IRS1: variants seen among roughly 807,000 people sequenced by gnomAD.
IRS1 encodes insulin receptor substrate 1.
In IRS1, 34 loss-of-function variants were observed where a neutral mutation model predicts 65.6. The ratio of observed to expected loss-of-function variants is 0.52; its 90% CI spans 0.39 to 0.69. The LOEUF is 0.69. Among genes scored for constraint, IRS1 ranks in the 30% least tolerant of loss-of-function variants. IRS1 has a pLI of 0.00. For synonymous variants in IRS1, 699 were observed against 683.5 expected (o/e 1.02, Z -0.35); for missense variants, 1,641 against 1,720.2 (o/e 0.95, Z 0.81).
Position 226,795,404 on chromosome 2 carries a change from C to T in IRS1, c.3335G>A (p.Arg1112Gln), listed in dbSNP as rs544798746. The T allele has an allele frequency of 1.2e-5, 20 of 1,613,438 alleles. No individual in the cohort carries two copies. The highest frequency in any genetic ancestry group is 5.0e-5 in the Admixed American group (3 of 60,032). The change falls in exon 1 of 2, where the codon CGG (arginine) becomes CAG (glutamine). Residue 1112 changes from arginine to glutamine, a missense_variant. Transcript: ENST00000305123. ...TCCAAAGGGCACTGTGTTGCCCACC[C>T]GGGTGGCACTGGGTGTTGAGGAGAA... Reference protein sequence around the residue: ...ETFSSTPSATRVGNTVPFGAG... With the variant: ...ETFSSTPSATQVGNTVPFGAG...
At chr2:226,767,212 A>T (rs926524954) in intron 1 of IRS1, among the ~76,000 whole-genome samples, 9 of 152,216 alleles carry the variant, frequency 5.9e-5, no homozygotes, top group Non-Finnish European at 1.2e-4. Context: ...AAACATACAG[A>T]CTTCTACACA....
intron 1 of IRS1, among the ~76,000 whole-genome samples, chr2:226,782,250 G>A (rs573492647): frequency 6.6e-6 from 1 of 152,208 alleles, no homozygotes; most frequent in South Asian, 2.1e-4. Context: ...TTTATACAGT[G>A]TCTTGTTTTG....
chr2:226,779,292 A>G (rs1026712740), intron 1 of IRS1, among the ~76,000 whole-genome samples: 1 of 152,262 alleles, frequency 6.6e-6, no homozygotes, highest in African/African-American at 2.4e-5. Context: ...GTTAACAAAA[A>G]CTTTATTTTC....
intron 1 of IRS1, among the ~76,000 whole-genome samples, chr2:226,774,570 C>A (rs1269410912): frequency 6.6e-6 from 1 of 151,936 alleles, no homozygotes; most frequent in African/African-American, 2.4e-5. Flanking sequence ...GGGAAAGAGC[C>A]ACAAAATTAA....
rs1939706372 is a variant in IRS1, at chr2:226,795,769, C to T, written c.2970G>A (p.Met990Ile). ...GACGGGGACAACTCATCTGCATGGT[C>T]ATGTAGTCACCCCGGCTGCTGGGCA... The part of the protein sequence containing the change: ...RAVPSSRGDY[M>I]TMQMSCPRQS... The change falls in exon 1 of 2, where the codon ATG (methionine) becomes ATA (isoleucine). Residue 990 changes from methionine to isoleucine, a missense_variant. Physicochemically the swap from Met to Ile is conservative, Grantham distance 10. Transcript: ENST00000305123. 6.2e-7 allele frequency: 1 copy of T among 1,613,226 alleles called. No homozygotes were observed. Among genetic ancestry groups the T allele is most frequent in the South Asian group, 1.1e-5 (1 of 91,074 alleles).
rs757182552 is a variant in IRS1 at position 226,795,459 on chromosome 2, C to T, written c.3280G>A (p.Gly1094Arg). Residue 1094 changes from glycine to arginine, a missense_variant, in exon 1 of 2, where the codon GGG (glycine) becomes AGG (arginine). By Grantham distance (125) the Gly-to-Arg change is moderately radical. Around this residue, in one of 3 missense-constraint regions of IRS1, gnomAD observed 1,324 missense variants for 1,361.0 expected, o/e 0.97. Transcript: ENST00000305123. ...TCGGAGCTATGCCTCCGCCGGCACC[C>T]TTGTGGGTCTGCACGGATCACTTTG... ...SAKVIRADPQ[G>R]CRRRHSSETF... 6.2e-7 allele frequency: 1 copy of T among 1,613,580 alleles called. No homozygotes were observed. Among genetic ancestry groups the T allele is most frequent in the Non-Finnish European group, 8.5e-7 (1 of 1,180,026 alleles).
intron 1 of IRS1, among the ~76,000 whole-genome samples, chr2:226,744,351 G>A (rs1329703640): frequency 6.6e-6 from 1 of 152,178 alleles, no homozygotes; most frequent in Non-Finnish European, 1.5e-5. Flanking sequence ...CTCAGCTGTG[G>A]GGCCATGATC....
chr2:226,790,657 T>C lies in IRS1; in HGVS notation c.*21+4332A>G, dbSNP rs9282767. ...CCTCAGAAAAAGCGCTGCCCTGGGATCTTATGATTCAGTGATGCAAGAGGG... is the reference window on the plus strand; with the variant it reads ...CCTCAGAAAAAGCGCTGCCCTGGGACCTTATGATTCAGTGATGCAAGAGGG... On this transcript the variant is annotated intron_variant, in intron 1 of 1. Transcript: ENST00000305123. Among the ~76,000 whole-genome samples the C allele has an allele frequency of 2.6e-5, 4 of 152,286 alleles. No homozygotes were observed. The East Asian group carries it at 5.8e-4, about 22-fold the overall frequency.
At chr2:226,745,174 C>T (rs1042432795) in intron 1 of IRS1, among the ~76,000 whole-genome samples, 7 of 152,110 alleles carry the variant, frequency 4.6e-5, no homozygotes, top group African/African-American at 1.7e-4. Flanking sequence ...AAAAGTATAC[C>T]ATTCATCTTA....
In IRS1 at chr2:226,797,376, G is replaced by C. The variant is rs1159074031; in HGVS notation, c.1363C>G (p.Pro455Ala). 6.2e-7 allele frequency: 1 copy of C among 1,613,038 alleles called. No homozygotes were observed. Among genetic ancestry groups the C allele is most frequent in the Admixed American group, 1.7e-5 (1 of 59,980 alleles). The change falls in exon 1 of 2, where the codon CCA becomes GCA. Residue 455 changes from proline (P) to alanine (A), a missense_variant. This residue lies in a region of IRS1 where 1,324 missense variants were observed against 1,361.0 expected (regional missense o/e 0.97). Coordinates refer to ENST00000305123, the MANE Select transcript of IRS1 (RefSeq NM_005544.3). This position sits in a 1 kb window ranked among gnomAD's most constrained non-coding sequence, Gnocchi z 8.1. ...VTPDSLGHTP[P>A]ARGEEELSNY... ...CTTAGCTCCTCCTCACCGCGGGCTG[G>C]TGGGGTGTGGCCCAGGGAATCCGGA...
intron 1 of IRS1, among the ~76,000 whole-genome samples, chr2:226,760,186 A>G (rs188776094): frequency 6.6e-6 from 1 of 152,284 alleles, no homozygotes; most frequent in Non-Finnish European, 1.5e-5. Context: ...GAAAAAAAAT[A>G]ATAATAATAA....
At chr2:226,779,860 A>G (rs567933160) in intron 1 of IRS1, among the ~76,000 whole-genome samples, 1 of 152,362 alleles carries the variant, frequency 6.6e-6, no homozygotes, top group East Asian at 1.9e-4. Context: ...AATGCAGGGG[A>G]AAAGTCTCAA....
At chr2:226,765,246 A>G (rs1939009617) in intron 1 of IRS1, among the ~76,000 whole-genome samples, 3 of 152,306 alleles carry the variant, frequency 2.0e-5, no homozygotes, top group East Asian at 1.9e-4. Context: ...TCACCAATTC[A>G]TATTCTTTTC....
At chr2:226,770,170 G>GAA (rs2106171366) in intron 1 of IRS1, among the ~76,000 whole-genome samples, 1 of 152,260 alleles carries the variant, frequency 6.6e-6, no homozygotes, top group East Asian at 1.9e-4. Flanking sequence ...ATATGAAAGA[G>GAA]AAAACTTCAT....
chr2:226,761,065 A>G (rs186163362), intron 1 of IRS1, among the ~76,000 whole-genome samples: 272 of 152,330 alleles, frequency 1.8e-3, no homozygotes, highest in Non-Finnish European at 1.9e-3. Flanking sequence ...GATGTTTTCC[A>G]TGCTGCTTCC....
chr2:226,797,306 G>C lies in IRS1; in HGVS notation c.1433C>G (p.Ala478Gly), dbSNP rs748059205. The change falls in exon 1 of 2, where the codon GCC becomes GGC. Residue 478 changes from alanine (A) to glycine (G), a missense_variant. Ala to Gly is a moderately conservative substitution (Grantham distance 60). Transcript: ENST00000305123. The surrounding 1 kb of genome is among the most constrained non-coding windows in gnomAD (Gnocchi z 8.1). ...MGGKGPSTLTAPNGHYILSRG... is the reference protein window; with the variant it reads ...MGGKGPSTLTGPNGHYILSRG... ...AGACAAAATGTAGTGACCGTTGGGG[G>C]CGGTCAGGGTGGAGGGCCCCTTGCC... 6.2e-7 allele frequency: 1 copy of C among 1,613,530 alleles called. No individual in the cohort carries two copies.
At chr2:226,761,841 C>T (rs542583912) in intron 1 of IRS1, among the ~76,000 whole-genome samples, 1 of 152,250 alleles carries the variant, frequency 6.6e-6, no homozygotes, top group Admixed American at 6.5e-5. Flanking sequence ...CATGACAAAG[C>T]CATAAGTACA....
chr2:226,798,535 G>T lies in IRS1; in HGVS notation c.204C>A (p.Ser68Arg), dbSNP rs1460898587. Residue 68 changes from serine to arginine, a missense_variant, in exon 1 of 2, where the codon AGC becomes AGA. This residue lies in a region of IRS1 where 240 missense variants were observed against 229.6 expected (regional missense o/e 1.05). Transcript: ENST00000305123. This position sits in a 1 kb window ranked among gnomAD's most constrained non-coding sequence, Gnocchi z 9.4. ...SAPKRSIPLE[S>R]CFNINKRADS... is the part of the protein sequence containing the mutation. The stretch of plus-strand genomic sequence containing the variant: ...CAGCCCGCTTGTTGATGTTGAAGCA[G>T]CTCTCAAGGGGGATCGAGCGTTTGG... The T allele has an allele frequency of 6.2e-7, 1 of 1,614,094 alleles. No homozygotes were observed. The highest frequency in any genetic ancestry group is 8.5e-7 in the Non-Finnish European group (1 of 1,180,022).
At chr2:226,770,019 A>C (rs936198835) in intron 1 of IRS1, among the ~76,000 whole-genome samples, 1 of 152,156 alleles carries the variant, frequency 6.6e-6, no homozygotes, top group Non-Finnish European at 1.5e-5. Context: ...TTGAAAAAAA[A>C]AGAGCAGTAA....
Sources: allele counts gnomAD v4.1 joint callset (sites outside exome capture counted in the v4.1 genomes callset), GRCh38; gene constraint gnomAD v4.1.1; regional missense constraint gnomAD v4.1.1; non-coding constraint Gnocchi (gnomAD v3.1); transcripts MANE v1.5; gene names NCBI Gene and HGNC (gene_info 2026-07-23, HGNC 2026-07-21).